ACBD6: variants seen among roughly 807,000 people sequenced by gnomAD.
ACBD6 encodes the protein acyl-CoA binding domain containing 6, also known as acyl-CoA-binding domain-containing protein 6.
ACBD6 carries 28 observed loss-of-function variants against 37.2 expected under a neutral mutation model. The observed-to-expected ratio is 0.75, with a 90% CI of 0.56 to 1.03. The LOEUF is 1.03. ACBD6 is among the 50% of genes least tolerant of loss of function. The pLI is 0.00. For synonymous variants in ACBD6, 113 were observed against 126.8 expected, an observed-to-expected ratio of 0.89 and a Z score of 0.73; for missense variants, 340 against 337.4, an observed-to-expected ratio of 1.01 and a Z score of -0.06.
rs190690575 is a variant in ACBD6 at position 180,295,569 on chromosome 1, C to T, written c.695-7052G>A. On this transcript the variant is annotated intron_variant, in intron 7 of 7. Transcript: ENST00000367595. ...CAACTCTATATTTAAGCAAGTCTAT[C>T]GGTGCCATTTTCCCAACAGCATTTG... Among the ~76,000 whole-genome samples, 33 of 151,928 alleles carry T rather than the reference C, an allele frequency of 2.2e-4. No individual in the cohort carries two copies. In the South Asian group the frequency reaches 2.5e-3, roughly 12 times the overall value.
At chr1:180,380,013 G>A (rs1201866841) in intron 6 of ACBD6, among the ~76,000 whole-genome samples, 3 of 152,160 alleles carry the variant, frequency 2.0e-5, no homozygotes, top group Admixed American at 2.0e-4. Context: ...TACAATTCCA[G>A]CACTTTGAGA....
rs564568452 is a variant in ACBD6 at position 180,289,503 on chromosome 1, C to T, written c.695-986G>A. ...ACCCCTTTAGATGTCAGAGTGTACA[C>T]TGGTGTTGCTATTTTAGACAACACT... On this transcript the variant is annotated intron_variant, in intron 7 of 7. Coordinates refer to ENST00000367595, the MANE Select transcript of ACBD6 (RefSeq NM_032360.4). Among the ~76,000 whole-genome samples, 87 of 152,338 alleles carry T rather than the reference C, an allele frequency of 5.7e-4. 1 individual carries two copies. The highest frequency in any genetic ancestry group is 2.1e-3 in the African/African-American group (87 of 41,582).
At chr1:180,318,475 G>A (rs1279263754) in intron 6 of ACBD6, among the ~76,000 whole-genome samples, 1 of 151,960 alleles carries the variant, frequency 6.6e-6, no homozygotes, top group Non-Finnish European at 1.5e-5. Context: ...TTTATTTTAA[G>A]GGGGGTTTTA....
chr1:180,287,578 C>CTTT (rs72179174), downstream of ACBD6, among the ~76,000 whole-genome samples: 312 of 71,576 alleles, frequency 4.4e-3, 6 homozygotes, highest in Non-Finnish European at 5.9e-3. Flanking sequence ...CAGATCTAAG[C>CTTT]TTTTTTTTTT....
intron 9 of ACBD6, among the ~76,000 whole-genome samples, chr1:180,280,066 G>A (rs1030862388): frequency 7.2e-5 from 11 of 152,088 alleles, no homozygotes; most frequent in African/African-American, 2.4e-4. Flanking sequence ...CACATTTTAG[G>A]TGCTCAACAG....
chr1:180,499,375 T>A (rs972423770), intron 1 of ACBD6, among the ~76,000 whole-genome samples: 1 of 152,202 alleles, frequency 6.6e-6, no homozygotes, highest in Non-Finnish European at 1.5e-5. Flanking sequence ...TCTCTAACAA[T>A]GCAGAATTTT....
At chr1:180,471,750 C>T (rs1055691706) in intron 3 of ACBD6, among the ~76,000 whole-genome samples, 2 of 152,080 alleles carry the variant, frequency 1.3e-5, no homozygotes, top group Admixed American at 1.3e-4. Flanking sequence ...CTGGGAGATA[C>T]AATTCAAATT....
At chr1:180,307,226 C>T (rs2149287281) in intron 7 of ACBD6, among the ~76,000 whole-genome samples, 1 of 152,280 alleles carries the variant, frequency 6.6e-6, no homozygotes, top group South Asian at 2.1e-4. Flanking sequence ...GACTGGAGGT[C>T]ATTATGTTAA....
chr1:180,418,260 A>G (rs1273157935), intron 4 of ACBD6, among the ~76,000 whole-genome samples: 5 of 152,092 alleles, frequency 3.3e-5, no homozygotes, highest in African/African-American at 1.2e-4. Context: ...TTCTTACTCA[A>G]AGGTGTTTAG....
intron 9 of ACBD6, chr1:180,278,200 T>C (rs1046979422): frequency 2.0e-5 from 3 of 152,240 alleles, no homozygotes; most frequent in African/African-American, 7.2e-5. Flanking sequence ...AGGAGGCTCA[T>C]TTTTAAACAC....
chr1:180,339,032 C>A (rs1038452729), intron 6 of ACBD6, among the ~76,000 whole-genome samples: 3 of 152,194 alleles, frequency 2.0e-5, no homozygotes, highest in Admixed American at 1.3e-4. Context: ...CAGGAAACAA[C>A]AGGTGCTAGA....
intron 3 of ACBD6, among the ~76,000 whole-genome samples, chr1:180,438,787 T>C (rs1649161446): frequency 6.6e-6 from 1 of 152,182 alleles, no homozygotes; most frequent in South Asian, 2.1e-4. Flanking sequence ...ATAGTTTACA[T>C]TAGGGTTCAC....
chr1:180,415,718 G>A (rs1443072385), intron 4 of ACBD6, among the ~76,000 whole-genome samples: 4 of 152,234 alleles, frequency 2.6e-5, no homozygotes, highest in Non-Finnish European at 4.4e-5. Flanking sequence ...ATTCACAGAT[G>A]AGAGGACCTT....
intron 4 of ACBD6, among the ~76,000 whole-genome samples, chr1:180,428,887 A>C (rs1299060638): frequency 6.6e-6 from 1 of 152,182 alleles, no homozygotes; most frequent in Non-Finnish European, 1.5e-5. Flanking sequence ...AGAGGTTAGG[A>C]TAGGCATATC....
At chr1:180,466,988 A>G (rs893202968) in intron 3 of ACBD6, among the ~76,000 whole-genome samples, 1 of 152,136 alleles carries the variant, frequency 6.6e-6, no homozygotes, top group Non-Finnish European at 1.5e-5. Context: ...TAGTTCCTAT[A>G]TGATCCCCAA....
intron 3 of ACBD6, among the ~76,000 whole-genome samples, chr1:180,464,851 G>A (rs1304159047): frequency 1.3e-5 from 2 of 152,042 alleles, no homozygotes; most frequent in Non-Finnish European, 2.9e-5. Flanking sequence ...TAGACCAATG[G>A]AACCGAATAG....
intron 3 of ACBD6, among the ~76,000 whole-genome samples, chr1:180,459,133 T>C (rs1650028587): frequency 6.6e-6 from 1 of 152,180 alleles, no homozygotes; most frequent in Non-Finnish European, 1.5e-5. Flanking sequence ...GATAGGTTCA[T>C]TAGACAATCT....
chr1:180,396,295 T>C (rs1571452591), intron 6 of ACBD6, among the ~76,000 whole-genome samples: 1 of 152,244 alleles, frequency 6.6e-6, no homozygotes, highest in East Asian at 1.9e-4. Flanking sequence ...AAATGGTAAA[T>C]TTTATGCTAT....
chr1:180,335,063 G>T (rs1242705217), intron 6 of ACBD6, among the ~76,000 whole-genome samples: 2 of 152,128 alleles, frequency 1.3e-5, no homozygotes, highest in African/African-American at 2.4e-5. Context: ...ATGGGGAGAA[G>T]GGAACCAAGT....
Sources: allele counts gnomAD v4.1 joint callset (sites outside exome capture counted in the v4.1 genomes callset), GRCh38; gene constraint gnomAD v4.1.1; transcripts MANE v1.5; gene names NCBI Gene and HGNC (gene_info 2026-07-23, HGNC 2026-07-21).